Variants in SHROOM3 observed in about 807,000 individuals in gnomAD.
SHROOM3 encodes shroom family member 3.
SHROOM3 carries 47 observed loss-of-function variants against 138.6 expected under a neutral mutation model. The observed-to-expected ratio is 0.34, with a 90% CI of 0.27 to 0.43. The LOEUF (loss-of-function observed/expected upper bound fraction) is 0.43. Ranked by LOEUF, SHROOM3 falls within the 20% of genes least tolerant of loss-of-function variation. The pLI is 1.00. For missense variants in SHROOM3, 2,491 were observed against 2,596.5 expected (o/e 0.96, Z 0.88); for synonymous variants, 1,062 against 1,063.3 (o/e 1.00, Z 0.02).
intron 9 of SHROOM3, among the ~76,000 whole-genome samples, chr4:76,769,839 C>G (rs1722290248): frequency 6.6e-6 from 1 of 152,194 alleles, no homozygotes; most frequent in African/African-American, 2.4e-5. Flanking sequence ...ATGTATGGCA[C>G]ATATCAACTG....
chr4:76,480,286 G>C (rs1201945287), intron 1 of SHROOM3, among the ~76,000 whole-genome samples: 1 of 152,202 alleles, frequency 6.6e-6, no homozygotes, highest in Non-Finnish European at 1.5e-5. Flanking sequence ...TAAAGAGATG[G>C]AGGAAGATTT....
chr4:76,735,854 AAAAAAAAAAAAAAAATATATATATATAT>A (rs1277332323), intron 4 of SHROOM3, among the ~76,000 whole-genome samples: 161 of 56,708 alleles, frequency 2.8e-3, no homozygotes, highest in African/African-American at 9.5e-3. Context: ...AAAAAAAAAA[AAAAAAAAAAAAAAAATATATATATATAT>A]ATATATATAT....
At chr4:76,690,954 A>T (rs1302117752) in intron 2 of SHROOM3, among the ~76,000 whole-genome samples, 2 of 152,228 alleles carry the variant, frequency 1.3e-5, no homozygotes, top group Non-Finnish European at 2.9e-5. Context: ...ACAATAACTT[A>T]TTCACATTGC....
chr4:76,619,238 T>C (rs971576933), intron 2 of SHROOM3, among the ~76,000 whole-genome samples: 2 of 152,184 alleles, frequency 1.3e-5, no homozygotes, highest in Non-Finnish European at 2.9e-5. Context: ...TTGTTTTCAA[T>C]AAAGGACAAA....
At chr4:76,551,518 C>T (rs62300891) in intron 1 of SHROOM3, among the ~76,000 whole-genome samples, 44,540 of 152,058 alleles carry the variant, frequency 0.29, 6,819 homozygotes, top group Middle Eastern at 0.34. Context: ...AGCACCATAG[C>T]TGACCACAGT....
At chr4:76,663,084 G>A (rs1718588482) in intron 2 of SHROOM3, among the ~76,000 whole-genome samples, 1 of 152,174 alleles carries the variant, frequency 6.6e-6, no homozygotes. Context: ...AGGGGACTTT[G>A]CGGTTTGGTA....
chr4:76,618,879 T>A (rs1484351436), intron 2 of SHROOM3, among the ~76,000 whole-genome samples: 3 of 152,232 alleles, frequency 2.0e-5, no homozygotes, highest in Admixed American at 2.0e-4. Flanking sequence ...CATGTCTTTT[T>A]AGTTGATTTT....
At chr4:76,597,922 A>G (rs1390876469) in intron 2 of SHROOM3, among the ~76,000 whole-genome samples, 3 of 152,066 alleles carry the variant, frequency 2.0e-5, no homozygotes, top group Non-Finnish European at 4.4e-5. Flanking sequence ...ACAATCTCCC[A>G]GGCACTGTGC....
chr4:76,537,483 A>G (rs977118394), intron 1 of SHROOM3, among the ~76,000 whole-genome samples: 2 of 152,180 alleles, frequency 1.3e-5, no homozygotes, highest in African/African-American at 4.8e-5. Context: ...AGAATATGTT[A>G]TAGGGCAAGG....
intron 1 of SHROOM3, among the ~76,000 whole-genome samples, chr4:76,552,612 TTCC>T (rs58772503): frequency 0.034 from 5,176 of 150,898 alleles, 288 homozygotes; most frequent in African/African-American, 0.12. Flanking sequence ...TACATATACA[TTCC>T]TCATTATGTT....
intron 1 of SHROOM3, among the ~76,000 whole-genome samples, chr4:76,504,530 T>C (rs1732169392): frequency 6.6e-6 from 1 of 152,242 alleles, no homozygotes. Context: ...TTTTGTTTAA[T>C]GTACGTATTA....
Position 76,599,048 on chromosome 4 carries a change from G to A in SHROOM3, c.323+43285G>A, listed in dbSNP as rs570203571. ...AGGTACAGCAGGTAGACTTGGTGAC[G>A]GGCTGGCTGCTTGGGTGCAGGGGTG... On this transcript the variant is annotated intron_variant, in intron 2 of 10. Transcript: ENST00000296043. Among the ~76,000 whole-genome samples, 10 of 152,176 alleles carry A rather than the reference G, an allele frequency of 6.6e-5. No individual in the cohort carries two copies. In the South Asian group the frequency reaches 2.1e-3, roughly 32 times the overall value.
rs143239182 is a variant in SHROOM3 at position 76,673,219 on chromosome 4, C to T, written c.324-36937C>T. Among the ~76,000 whole-genome samples, 441 of 152,210 alleles carry T rather than the reference C, an allele frequency of 2.9e-3. 3 individuals carry two copies. The highest frequency in any genetic ancestry group is 5.5e-3 in the Non-Finnish European group (373 of 68,010). On this transcript the variant is annotated intron_variant, in intron 2 of 10. Coordinates refer to ENST00000296043, the MANE Select transcript of SHROOM3 (RefSeq NM_020859.4). ...TCCTTAAGCTTCTCATTTTGCCTGTCGCCATGACTGTCTTCAACGGTTAGC... is the reference window on the plus strand; with the variant it reads ...TCCTTAAGCTTCTCATTTTGCCTGTTGCCATGACTGTCTTCAACGGTTAGC...
At chr4:76,589,709 A>T (rs1305606207) in intron 2 of SHROOM3, among the ~76,000 whole-genome samples, 1 of 152,218 alleles carries the variant, frequency 6.6e-6, no homozygotes, top group Non-Finnish European at 1.5e-5. Context: ...ATTGCCCATC[A>T]GCCCTCCAGG....
At chr4:76,551,387 T>G (rs191860750) in intron 1 of SHROOM3, among the ~76,000 whole-genome samples, 59 of 152,284 alleles carry the variant, frequency 3.9e-4, no homozygotes, top group African/African-American at 1.4e-3. Context: ...AGAAATTGAT[T>G]GTTTCCTAGG....
At position 76,740,786 on chromosome 4, in the gene SHROOM3, G is replaced by A. The variant is rs773115510; in HGVS notation, c.2613G>A (p.Ala871=). Residue 871 remains alanine, a synonymous_variant, in exon 5 of 11, where the codon GCG becomes GCA. Coordinates refer to ENST00000296043, the MANE Select transcript of SHROOM3 (RefSeq NM_020859.4). This position sits in a 1 kb window ranked among gnomAD's most constrained non-coding sequence, Gnocchi z 4.0. ...GCGGTCAGCAGCTGAGCGGAGGAGC[G>A]TCGGACAGCGGCCGTGGCCCCCAGA... is the stretch of plus-strand genomic sequence containing the variant. ...QPCGQQLSGG[A]SDSGRGPQRP... is the part of the protein sequence containing the mutation. The A allele has an allele frequency of 5.6e-6, 9 of 1,611,402 alleles. No individual in the cohort carries two copies. In the South Asian group the frequency reaches 9.9e-5, roughly 18 times the overall value.
rs779579252 is a variant in SHROOM3, at chr4:76,739,503, C to T, written c.1330C>T (p.Pro444Ser). ...TVLEKSPENS[P>S]PVKPKHNYTQ... Reference sequence around the variant, plus strand: ...GCTGGAGAAGAGTCCAGAGAACAGCCCCCCAGTGAAGCCCAAGCATAACTA... The same window carrying T: ...GCTGGAGAAGAGTCCAGAGAACAGCTCCCCAGTGAAGCCCAAGCATAACTA... Residue 444 changes from proline (P) to serine (S), a missense_variant, in exon 5 of 11, where the codon CCC becomes TCC. By Grantham distance (74) the Pro-to-Ser change is moderately conservative. This residue lies in a region of SHROOM3 where 1,733 missense variants were observed against 1,661.6 expected (regional missense o/e 1.04). Transcript: ENST00000296043. 6.2e-7 allele frequency: 1 copy of T among 1,614,096 alleles called. No individual in the cohort carries two copies. The highest frequency in any genetic ancestry group is 1.7e-5 in the Admixed American group (1 of 60,024).
intron 1 of SHROOM3, among the ~76,000 whole-genome samples, chr4:76,456,759 A>C (rs902713824): frequency 1.3e-5 from 2 of 152,206 alleles, no homozygotes; most frequent in African/African-American, 4.8e-5. Flanking sequence ...TGGGTGAGCA[A>C]TAAAGCTTTT....
At chr4:76,683,203 A>T (rs1451484762) in intron 2 of SHROOM3, among the ~76,000 whole-genome samples, 1 of 152,074 alleles carries the variant, frequency 6.6e-6, no homozygotes, top group East Asian at 1.9e-4. Context: ...TTTCATAATC[A>T]TCTATTATGT....
Sources: allele counts gnomAD v4.1 joint callset (sites outside exome capture counted in the v4.1 genomes callset), GRCh38; gene constraint gnomAD v4.1.1; regional missense constraint gnomAD v4.1.1; non-coding constraint Gnocchi (gnomAD v3.1); transcripts MANE v1.5; gene names NCBI Gene and HGNC (gene_info 2026-07-23, HGNC 2026-07-21).